The following CERS3 variants were observed in gnomAD, a reference collection of about 807,000 sequenced individuals.
CERS3 encodes LAG1 homolog, ceramide synthase 3.
A neutral mutation model predicts 50.3 loss-of-function variants in CERS3; 33 were observed. That is an observed-to-expected ratio of 0.66 (90% CI 0.50 to 0.88). The LOEUF is 0.88. Among genes scored for constraint, CERS3 ranks in the 40% least tolerant of loss-of-function variants. CERS3 has a pLI of 0.00. For synonymous variants in CERS3, 176 were observed against 155.2 expected, an observed-to-expected ratio of 1.13 and a Z score of -0.99; for missense variants, 470 against 460.3, an observed-to-expected ratio of 1.02 and a Z score of -0.19.
At chr15:100,448,392 A>G (rs2034023295) in intron 11 of CERS3, among the ~76,000 whole-genome samples, 1 of 152,234 alleles carries the variant, frequency 6.6e-6, no homozygotes, top group African/African-American at 2.4e-5. Flanking sequence ...GATACTCCCC[A>G]ATGTGGGAAA....
chr15:100,502,267 A>AAAAG (rs1555532593), intron 2 of CERS3, among the ~76,000 whole-genome samples: 17,743 of 107,246 alleles, frequency 0.17, 360 homozygotes, highest in Non-Finnish European at 0.19. Flanking sequence ...AAAAAAAAAA[A>AAAAG]AAAGAAAGAA....
intron 11 of CERS3, among the ~76,000 whole-genome samples, chr15:100,409,542 AC>A (rs1309244045): frequency 6.6e-6 from 1 of 152,336 alleles, no homozygotes; most frequent in African/African-American, 2.4e-5. Context: ...GAAATTAGAA[AC>A]AAAATCAAGT....
intron 2 of CERS3, among the ~76,000 whole-genome samples, chr15:100,510,026 C>CAAAAAA (rs10693093): frequency 1.4e-5 from 2 of 144,912 alleles, no homozygotes. Context: ...CAAACCCAGC[C>CAAAAAA]AAAAAAAAAA....
At chr15:100,521,249 C>A (rs2142385722) in intron 2 of CERS3, among the ~76,000 whole-genome samples, 1 of 152,258 alleles carries the variant, frequency 6.6e-6, no homozygotes, top group South Asian at 2.1e-4. Flanking sequence ...CATTTGGGGT[C>A]ATATTTTATG....
intron 5 of CERS3, 30 bp downstream of exon 5, chr15:100,484,520 C>T: frequency 1.4e-6 from 2 of 1,434,892 alleles, no homozygotes; most frequent in Non-Finnish European, 2.0e-6. Context: ...AGGACGGCAG[C>T]ATTCCTAAAG....
chr15:100,473,845 G>A (rs1025956716), intron 8 of CERS3, among the ~76,000 whole-genome samples: 10 of 152,172 alleles, frequency 6.6e-5, no homozygotes, highest in African/African-American at 2.4e-4. Context: ...TGAATCCACA[G>A]CATTACTCAT....
intron 2 of CERS3, among the ~76,000 whole-genome samples, chr15:100,510,366 A>G (rs1226794932): frequency 6.6e-6 from 1 of 152,204 alleles, no homozygotes; most frequent in Non-Finnish European, 1.5e-5. Context: ...ATTTTAAGGA[A>G]TTCTCCTATA....
intron 2 of CERS3, among the ~76,000 whole-genome samples, chr15:100,519,113 C>T (rs560890067): frequency 1.3e-5 from 2 of 151,542 alleles, no homozygotes; most frequent in South Asian, 4.2e-4. Flanking sequence ...GAGCTGAGAT[C>T]GCGTCACTGT....
upstream of CERS3, among the ~76,000 whole-genome samples, chr15:100,531,147 G>T (rs1238222762): frequency 1.3e-5 from 2 of 152,142 alleles, no homozygotes; most frequent in East Asian, 1.9e-4. Flanking sequence ...TTCATGCTTT[G>T]TTTTAGTTAC....
At chr15:100,441,539 C>T (rs1042872084) in intron 11 of CERS3, among the ~76,000 whole-genome samples, 3 of 151,908 alleles carry the variant, frequency 2.0e-5, no homozygotes, top group Non-Finnish European at 2.9e-5. Context: ...GGCAACCTTC[C>T]ACCCTCCATT....
intron 3 of CERS3, among the ~76,000 whole-genome samples, chr15:100,497,194 G>GA (rs1567662631): frequency 6.6e-6 from 1 of 151,732 alleles, no homozygotes; most frequent in African/African-American, 2.4e-5. Context: ...AGTGCATGGG[G>GA]AAAAAAAGGA....
intron 11 of CERS3, among the ~76,000 whole-genome samples, chr15:100,423,529 A>G (rs906760346): frequency 6.6e-6 from 1 of 152,196 alleles, no homozygotes; most frequent in African/African-American, 2.4e-5. Context: ...CAGAAAACCA[A>G]GTACTGTATG....
chr15:100,511,527 A>C (rs2036340089), intron 2 of CERS3, among the ~76,000 whole-genome samples: 1 of 148,932 alleles, frequency 6.7e-6, no homozygotes, highest in African/African-American at 2.5e-5. Context: ...CTGGGTTTCC[A>C]TTAACAGTCT....
intron 3 of CERS3, among the ~76,000 whole-genome samples, chr15:100,497,896 C>CACCCTT (rs1306094824): frequency 1.6e-5 from 1 of 63,602 alleles, no homozygotes; most frequent in Non-Finnish European, 3.3e-5. Context: ...CACACACACA[C>CACCCTT]TTTTTTTTTT....
chr15:100,539,807 C>T (rs1485450719), intron 1 of CERS3, among the ~76,000 whole-genome samples: 1 of 152,156 alleles, frequency 6.6e-6, no homozygotes, highest in Non-Finnish European at 1.5e-5. Flanking sequence ...GAATGCATTT[C>T]CCCTTATCAG....
chr15:100,507,360 A>G (rs894441852), intron 2 of CERS3, among the ~76,000 whole-genome samples: 1 of 152,172 alleles, frequency 6.6e-6, no homozygotes, highest in Non-Finnish European at 1.5e-5. Context: ...CTACCCCTCC[A>G]GCCAGCCTCA....
chr15:100,491,002 G>T, intron 3 of CERS3, 71 bp from the exon 4 acceptor site: 1 of 903,964 alleles, frequency 1.1e-6, no homozygotes, highest in Non-Finnish European at 1.7e-6. Context: ...GAAAATTAAA[G>T]CTGTAACTTC....
At chr15:100,462,184 T>G (rs2034570437) in intron 10 of CERS3, among the ~76,000 whole-genome samples, 1 of 152,248 alleles carries the variant, frequency 6.6e-6, no homozygotes, top group Non-Finnish European at 1.5e-5. Flanking sequence ...ACTTTGTCCC[T>G]GTCCACTGGA....
intron 10 of CERS3, among the ~76,000 whole-genome samples, chr15:100,458,713 T>C (rs573678933): frequency 1.3e-5 from 2 of 152,320 alleles, no homozygotes; most frequent in African/African-American, 4.8e-5. Flanking sequence ...CCAGAATATT[T>C]TGTTAAACGA....
Sources: gnomAD v4.1 joint callset for allele counts (sites outside exome capture counted in the v4.1 genomes callset) on GRCh38, gnomAD v4.1.1 for gene constraint, MANE v1.5 for transcripts, NCBI Gene and HGNC (gene_info 2026-07-23, HGNC 2026-07-21) for gene names.